The following ZNF619 variants were observed in gnomAD, a reference collection of about 807,000 sequenced individuals.
ZNF619 encodes the protein zinc finger protein 619.
In ZNF619, 9 loss-of-function variants were observed where a neutral mutation model predicts 14.2. The ratio of observed to expected loss-of-function variants is 0.64; its 90% confidence interval spans 0.38 to 1.11. ZNF619 has a LOEUF of 1.11. Among genes scored for constraint, ZNF619 ranks in the 50% least tolerant of loss-of-function variants. The pLI is 0.01. For synonymous variants in ZNF619, 246 were observed against 252.8 expected (o/e 0.97, Z 0.26); for missense variants, 659 against 680.1 (o/e 0.97, Z 0.34).
intron 4 of ZNF619, among the ~76,000 whole-genome samples, chr3:40,482,982 G>A (rs573192658): frequency 6.6e-6 from 1 of 152,300 alleles, no homozygotes; most frequent in Admixed American, 6.5e-5. Flanking sequence ...AGGCCAAGGT[G>A]GGAGGGTGCT....
intron 4 of ZNF619, among the ~76,000 whole-genome samples, chr3:40,485,334 G>A (rs1329117872): frequency 6.9e-6 from 1 of 145,630 alleles, no homozygotes; most frequent in Non-Finnish European, 1.5e-5. Context: ...CAGAGTCTTG[G>A]TCTATCCCCC....
chr3:40,482,451 G>A, intron 3 of ZNF619, 137 bp from the exon 4 acceptor site: 1 of 1,573,328 alleles, frequency 6.4e-7, no homozygotes, highest in Non-Finnish European at 8.7e-7. Context: ...CTTAGATTCT[G>A]CAGATTCACT....
At chr3:40,484,264 G>A (rs750997876) in intron 4 of ZNF619, among the ~76,000 whole-genome samples, 5 of 152,172 alleles carry the variant, frequency 3.3e-5, no homozygotes, top group South Asian at 2.1e-4. Context: ...GTGTGTGTGT[G>A]TATAAAACTA....
Position 40,488,070 on chromosome 3 carries a change from A to G in ZNF619, c.1560A>G (p.Leu520=), listed in dbSNP as rs375982740. 3.1e-6 allele frequency: 5 copies of G among 1,613,916 alleles called. No homozygotes were observed. The African/African-American group carries it at 5.3e-5, about 17-fold the overall frequency. Residue 520 remains leucine, a synonymous_variant, in exon 5 of 5, where the codon TTA becomes TTG. Transcript: ENST00000432264. ...CCCTAGCCCCACCAGGGCCTCCCTT[A>G]TCTTCTTCACATGCAGTGGTACTTC... ...CSALAPPGPP[L]SSSHAVVLPP... is the part of the protein sequence containing the mutation.
chr3:40,488,938 C>T lies in ZNF619; in HGVS notation c.*697C>T, dbSNP rs1156830556. The T allele has an allele frequency of 6.6e-6, 1 of 152,192 alleles. No homozygotes were observed. Among genetic ancestry groups the T allele is most frequent in the Non-Finnish European group, 1.5e-5 (1 of 68,066 alleles). The allele number at this position is 152,192 out of a possible 1,614,324, so 9.4% of individuals were successfully genotyped here. On this transcript the variant is annotated 3_prime_UTR_variant, in exon 5 of 5. Coordinates refer to ENST00000432264, the MANE Select transcript of ZNF619 (RefSeq NM_001145093.4). The stretch of plus-strand genomic sequence containing the variant: ...GTCTCCCAAGTGCTGGGATTACAGG[C>T]ATGAGCCACTGCATCTGGCCTGCTT...
rs547178642 is a variant in ZNF619 at position 40,477,674 on chromosome 3, A to G, written c.-62-244A>G. On this transcript the variant is annotated intron_variant, in intron 1 of 4. Coordinates refer to ENST00000432264, the MANE Select transcript of ZNF619 (RefSeq NM_001145093.4). The stretch of plus-strand genomic sequence containing the variant: ...AATTTTTTTTAAAAAACAGCCACGA[A>G]TCCACTGCAGTTCTTGACTCTTACT... 6.6e-5 allele frequency: 25 copies of G among 379,650 alleles called. No homozygotes were observed. The East Asian group carries it at 1.0e-3, about 16-fold the overall frequency. The allele number at this position is 379,650 out of a possible 1,614,324, so 23.5% of individuals were successfully genotyped here.
At chr3:40,482,389 ACT>A in intron 3 of ZNF619, 197 bp from the exon 4 acceptor site, 1 of 1,556,706 alleles carries the variant, frequency 6.4e-7, no homozygotes, top group Non-Finnish European at 8.7e-7. Flanking sequence ...CCCCCCAGTG[ACT>A]CTGGGAGCAT....
At chr3:40,483,221 G>T (rs1297702743) in intron 4 of ZNF619, among the ~76,000 whole-genome samples, 1 of 151,660 alleles carries the variant, frequency 6.6e-6, no homozygotes, top group Middle Eastern at 3.2e-3. Context: ...AAAAACAAAA[G>T]ATTTCAAACA....
Position 40,487,563 on chromosome 3 carries a change from G to C in ZNF619, c.1053G>C (p.Lys351Asn). The change falls in exon 5 of 5, where the codon AAG becomes AAC. Residue 351 changes from lysine to asparagine, a missense_variant. Physicochemically the swap from Lys to Asn is moderately conservative, Grantham distance 94 (BLOSUM62 0). Transcript: ENST00000432264. Reference sequence around the variant, plus strand: ...CCTATGAATGTAAGGAGTGTGGGAAGAGTTTGAGTTCTAATTCAGTTCTGA... The same window carrying C: ...CCTATGAATGTAAGGAGTGTGGGAACAGTTTGAGTTCTAATTCAGTTCTGA... ...EKPYECKECG[K>N]SLSSNSVLIQ... 6.2e-7 allele frequency: 1 copy of C among 1,614,090 alleles called. No individual in the cohort carries two copies. The highest frequency in any genetic ancestry group is 8.5e-7 in the Non-Finnish European group (1 of 1,180,004).
At chr3:40,479,553 C>T (rs768015914) in intron 2 of ZNF619, among the ~76,000 whole-genome samples, 11 of 152,178 alleles carry the variant, frequency 7.2e-5, no homozygotes, top group Non-Finnish European at 1.2e-4. Context: ...CAGATAATTA[C>T]TATTGTTATC....
chr3:40,481,757 G>GTAC, intron 2 of ZNF619, 106 bp from the exon 3 acceptor site: 1 of 1,453,086 alleles, frequency 6.9e-7, no homozygotes, highest in Non-Finnish European at 9.2e-7. Flanking sequence ...GGGGTCCTGT[G>GTAC]TGGCTCTCCT....
At position 40,488,242 on chromosome 3, in the gene ZNF619, G is replaced by GCC; in HGVS notation, c.*4_*5dup. ...GAATCCTTTGTCTCACTCCCTGTAA[G>GCC]CCCCGTCACGTTCTCAAAATCCTTT... is the stretch of plus-strand genomic sequence containing the variant. On this transcript the variant is annotated 3_prime_UTR_variant, in exon 5 of 5. Transcript: ENST00000432264. The GCC allele has an allele frequency of 6.9e-7, 1 of 1,446,550 alleles. No homozygotes were observed. Among genetic ancestry groups the GCC allele is most frequent in the Non-Finnish European group, 9.5e-7 (1 of 1,048,924 alleles). 89.6% of individuals were successfully genotyped at this position (1,446,550 alleles called of 1,614,324 possible). A position where few individuals can be genotyped will look rare whatever the true frequency, so the allele number is the denominator to read the frequency against.
intron 4 of ZNF619, among the ~76,000 whole-genome samples, chr3:40,483,402 T>C (rs1315822856): frequency 6.6e-6 from 1 of 150,738 alleles, no homozygotes; most frequent in African/African-American, 2.4e-5. Context: ...GTGTTTCTCC[T>C]CCCTCAGCCT....
chr3:40,482,225 T>A (rs1337200758), intron 3 of ZNF619: 14 of 1,551,664 alleles, frequency 9.0e-6, no homozygotes, highest in Non-Finnish European at 1.2e-5. Flanking sequence ...TGGTTCCTAA[T>A]GGAGACCCAA....
intron 4 of ZNF619, among the ~76,000 whole-genome samples, chr3:40,485,747 G>A (rs1169633250): frequency 6.6e-6 from 1 of 152,132 alleles, no homozygotes; most frequent in Non-Finnish European, 1.5e-5. Flanking sequence ...TAAGATGAAA[G>A]TTTCATTTGT....
chr3:40,490,645 T>C lies in ZNF619; in HGVS notation c.*2404T>C, dbSNP rs903880262. 2.0e-5 allele frequency among the ~76,000 whole-genome samples: 3 copies of C among 152,180 alleles called. No individual in the cohort carries two copies. Among genetic ancestry groups the C allele is most frequent in the Non-Finnish European group, 4.4e-5 (3 of 68,046 alleles). ...ATGACAAGGATACAGACCTTTATGA[T>C]GATCCATATAATATAGTGAATTATA... On this transcript the variant is annotated 3_prime_UTR_variant, in exon 5 of 5. Coordinates refer to ENST00000432264, the MANE Select transcript of ZNF619 (RefSeq NM_001145093.4).
In ZNF619 at chr3:40,487,701, A is replaced by T; in HGVS notation, c.1191A>T (p.Glu397Asp). 6.2e-7 allele frequency: 1 copy of T among 1,613,926 alleles called. No homozygotes were observed. The highest frequency in any genetic ancestry group is 8.5e-7 in the Non-Finnish European group (1 of 1,179,972). ...FLQHQRFHTG[E>D]QLYKCNECWK... is the part of the protein sequence containing the mutation. ...AGCACCAGAGGTTCCACACTGGGGA[A>T]CAACTCTACAAATGTAATGAATGTT... The change falls in exon 5 of 5, where the codon GAA (glutamate) becomes GAT (aspartate). Residue 397 changes from glutamate to aspartate, a missense_variant. Glu to Asp is a conservative substitution (Grantham distance 45). Coordinates refer to ENST00000432264, the MANE Select transcript of ZNF619 (RefSeq NM_001145093.4).
chr3:40,484,922 G>A (rs933786486), intron 4 of ZNF619, among the ~76,000 whole-genome samples: 13 of 152,064 alleles, frequency 8.5e-5, no homozygotes, highest in South Asian at 2.1e-4. Context: ...CCAGAGATTC[G>A]AATTCAGAAG....
chr3:40,485,614 C>T (rs997079412), intron 4 of ZNF619, among the ~76,000 whole-genome samples: 14 of 152,000 alleles, frequency 9.2e-5, no homozygotes, highest in African/African-American at 3.4e-4. Flanking sequence ...GAATACATCA[C>T]TCTTAATAAG....
Sources: gnomAD v4.1 joint callset for allele counts (sites outside exome capture counted in the v4.1 genomes callset) on GRCh38, gnomAD v4.1.1 for gene constraint, MANE v1.5 for transcripts, NCBI Gene and HGNC (gene_info 2026-07-23, HGNC 2026-07-21) for gene names.